Variants in DOCK10 observed in about 807,000 individuals in gnomAD.
DOCK10 encodes dedicator of cytokinesis protein 10.
In DOCK10, 145 loss-of-function variants were observed where a neutral mutation model predicts 280.1. The observed-to-expected ratio is 0.52, with a 90% CI of 0.45 to 0.59. The LOEUF (loss-of-function observed/expected upper bound fraction) is 0.59. Ranked by LOEUF, DOCK10 falls within the 20% of genes least tolerant of loss-of-function variation. The pLI, the probability that DOCK10 is intolerant of heterozygous loss-of-function variation, is 0.00. For synonymous variants in DOCK10, 915 were observed against 942.2 expected (o/e 0.97, Z 0.53); for missense variants, 2,368 against 2,651.7 (o/e 0.89, Z 2.35).
intron 1 of DOCK10, among the ~76,000 whole-genome samples, chr2:225,022,491 C>A (rs1689807830): frequency 6.6e-6 from 1 of 152,192 alleles, no homozygotes; most frequent in Non-Finnish European, 1.5e-5. Flanking sequence ...ACAGTAAAAA[C>A]AAATCTTCCT....
intron 25 of DOCK10, among the ~76,000 whole-genome samples, chr2:224,836,029 T>A (rs758519750): frequency 1.3e-5 from 2 of 152,248 alleles, no homozygotes; most frequent in East Asian, 1.9e-4. Context: ...AGAGCTAGCC[T>A]TGGTAATCAC....
chr2:224,998,706 A>AC (rs1706343916), intron 1 of DOCK10, among the ~76,000 whole-genome samples: 1 of 151,782 alleles, frequency 6.6e-6, no homozygotes. Context: ...TAATCTAAGC[A>AC]CCCCCTTTCT....
intron 1 of DOCK10, among the ~76,000 whole-genome samples, chr2:224,978,170 C>T (rs932343684): frequency 1.3e-5 from 2 of 152,172 alleles, no homozygotes; most frequent in Non-Finnish European, 2.9e-5. Flanking sequence ...TGTGGTGGCT[C>T]ATGCCTGTAA....
chr2:225,036,159 G>A (rs143598725), intron 1 of DOCK10, among the ~76,000 whole-genome samples: 102 of 152,276 alleles, frequency 6.7e-4, no homozygotes, highest in African/African-American at 2.5e-3. Flanking sequence ...ACAACCTAGA[G>A]TGAGAACTTG....
chr2:224,867,734 C>T (rs565072769), intron 11 of DOCK10, among the ~76,000 whole-genome samples: 3 of 152,018 alleles, frequency 2.0e-5, no homozygotes, highest in South Asian at 2.1e-4. Flanking sequence ...TGGTAGGAAG[C>T]GTTTGTGGGA....
chr2:224,783,262 C>G (rs1165443803), intron 50 of DOCK10, among the ~76,000 whole-genome samples: 1 of 147,940 alleles, frequency 6.8e-6, no homozygotes, highest in African/African-American at 2.5e-5. Context: ...GCCTTTTAAG[C>G]TCAGACTGGA....
intron 3 of DOCK10, among the ~76,000 whole-genome samples, chr2:224,906,615 A>G (rs1336560563): frequency 6.6e-6 from 1 of 152,182 alleles, no homozygotes; most frequent in Admixed American, 6.5e-5. Context: ...AGTAGCTGGG[A>G]CTACAGGCAC....
intron 1 of DOCK10, among the ~76,000 whole-genome samples, chr2:225,036,753 G>T (rs187383664): frequency 6.6e-6 from 1 of 152,190 alleles, no homozygotes; most frequent in Non-Finnish European, 1.5e-5. Flanking sequence ...TTATCTAATG[G>T]ACTTCTTAAA....
intron 14 of DOCK10, chr2:224,862,462 C>CTAT: frequency 1.9e-6 from 1 of 513,888 alleles, no homozygotes; most frequent in Admixed American, 3.4e-5. Flanking sequence ...TCACGGCCCT[C>CTAT]TATTATAAAC....
chr2:224,812,064 A>C (rs950944730), intron 31 of DOCK10, among the ~76,000 whole-genome samples: 27 of 152,050 alleles, frequency 1.8e-4, no homozygotes, highest in African/African-American at 6.5e-4. Context: ...TGAATCTATA[A>C]ATTACCTTGG....
intron 3 of DOCK10, among the ~76,000 whole-genome samples, chr2:224,908,130 CTACA>C (rs892525325): frequency 6.7e-6 from 1 of 149,734 alleles, no homozygotes; most frequent in African/African-American, 2.5e-5. Flanking sequence ...CGTTCTGTGC[CTACA>C]TAAAGTTGGC....
At chr2:224,949,497 G>A (rs1703609490) in intron 1 of DOCK10, among the ~76,000 whole-genome samples, 1 of 152,232 alleles carries the variant, frequency 6.6e-6, no homozygotes, top group African/African-American at 2.4e-5. Flanking sequence ...GTATCCTACA[G>A]AGGAGTTCAT....
intron 1 of DOCK10, among the ~76,000 whole-genome samples, chr2:225,004,224 C>T (rs1029463388): frequency 2.6e-5 from 4 of 151,988 alleles, no homozygotes; most frequent in African/African-American, 9.7e-5. Flanking sequence ...TTAAGCTGGC[C>T]GTAAATCCAA....
rs961333541 is a variant in DOCK10, at chr2:225,019,497, T to C, written c.123+22755A>G. Among the ~76,000 whole-genome samples, 13 of 148,198 alleles carry C rather than the reference T, an allele frequency of 8.8e-5. No individual in the cohort carries two copies. In the South Asian group the frequency reaches 2.8e-3, roughly 32 times the overall value. ...ATACAAATCCTCAAGCCAACCCTAC[T>C]TTGGTGTCCTATGCTCCTGCCTGGT... On this transcript the variant is annotated intron_variant, in intron 1 of 55. Coordinates refer to ENST00000258390, the MANE Select transcript of DOCK10 (RefSeq NM_014689.3).
intron 1 of DOCK10, chr2:224,946,980 A>T (rs761738347): frequency 6.5e-7 from 1 of 1,531,162 alleles, no homozygotes; most frequent in South Asian, 1.2e-5. Context: ...GTCACAAAAT[A>T]TTTCAAAATA....
rs561284572 is a variant in DOCK10 at position 224,824,405 on chromosome 2, C to T, written c.3037-758G>A. ...ATATGAGGGGAACATTTGAGGCAGC[C>T]GAGTTCTTCCATCTCAGACTCTGCT... On this transcript the variant is annotated intron_variant, in intron 27 of 55. Coordinates refer to ENST00000258390, the MANE Select transcript of DOCK10 (RefSeq NM_014689.3). Among the ~76,000 whole-genome samples, 8 of 142,722 alleles carry T rather than the reference C, an allele frequency of 5.6e-5. No individual in the cohort carries two copies. The East Asian group carries it at 9.9e-4, about 18-fold the overall frequency. 93.6% of individuals were successfully genotyped at this position (142,722 alleles called of 152,430 possible). A position where few individuals can be genotyped will look rare whatever the true frequency, so the allele number is the denominator to read the frequency against.
rs981453959 is a variant in DOCK10 at position 224,854,981 on chromosome 2, C to T, written c.1870G>A (p.Val624Ile). Reference sequence around the variant, plus strand: ...ATCATACTTGGATGCTCCAAGGGAACGTTGTCAACAGCAATATCCAGGCTT... The same window carrying T: ...ATCATACTTGGATGCTCCAAGGGAATGTTGTCAACAGCAATATCCAGGCTT... ...PGSLDIAVDN[V>I]PLEHPNCVTS... Residue 624 changes from valine (V) to isoleucine (I), a missense_variant, in exon 16 of 56, where the codon GTT becomes ATT. Physicochemically the swap from Val to Ile is conservative, Grantham distance 29. Around this residue, in one of 2 missense-constraint regions of DOCK10, gnomAD observed 1,209 missense variants for 1,250.9 expected, o/e 0.97. Coordinates refer to ENST00000258390, the MANE Select transcript of DOCK10 (RefSeq NM_014689.3). 9.3e-6 allele frequency: 15 copies of T among 1,606,792 alleles called. No individual in the cohort carries two copies. Among genetic ancestry groups the T allele is most frequent in the South Asian group, 2.2e-5 (2 of 90,132 alleles).
intron 1 of DOCK10, among the ~76,000 whole-genome samples, chr2:224,960,827 C>T (rs991194682): frequency 1.2e-4 from 18 of 150,328 alleles, no homozygotes; most frequent in African/African-American, 3.9e-4. Flanking sequence ...GCAAGCTCCG[C>T]CTCCCGGGTT....
At chr2:225,024,841 G>T (rs965850853) in intron 1 of DOCK10, among the ~76,000 whole-genome samples, 2 of 151,826 alleles carry the variant, frequency 1.3e-5, no homozygotes, top group Admixed American at 1.3e-4. Flanking sequence ...CATGAGCTGA[G>T]ATCACGCTAC....
Sources: allele counts gnomAD v4.1 joint callset (sites outside exome capture counted in the v4.1 genomes callset), GRCh38; gene constraint gnomAD v4.1.1; regional missense constraint gnomAD v4.1.1; transcripts MANE v1.5; gene names NCBI Gene and HGNC (gene_info 2026-07-23, HGNC 2026-07-21).